Variants in RNF150 observed in about 807,000 individuals in gnomAD.
RNF150 encodes the protein ring finger protein 150.
RNF150 carries 24 observed loss-of-function variants against 39.3 expected under a neutral mutation model. The ratio of observed to expected loss-of-function variants is 0.61; its 90% CI spans 0.44 to 0.86. The LOEUF is 0.86. Ranked by LOEUF, RNF150 falls within the 40% of genes least tolerant of loss-of-function variation. The pLI is 0.00. For synonymous variants in RNF150, 255 were observed against 227.3 expected, an observed-to-expected ratio of 1.12 and a Z score of -1.10; for missense variants, 502 against 587.8, an observed-to-expected ratio of 0.85 and a Z score of 1.51.
intron 6 of RNF150, among the ~76,000 whole-genome samples, chr4:140,886,443 G>A (rs780505535): frequency 6.6e-5 from 10 of 152,064 alleles, no homozygotes; most frequent in Non-Finnish European, 1.0e-4. Context: ...TCACCCACAT[G>A]CTTTGCCCAT....
intron 1 of RNF150, among the ~76,000 whole-genome samples, chr4:141,113,438 G>A: frequency 6.6e-6 from 1 of 151,632 alleles, no homozygotes; most frequent in East Asian, 1.9e-4. Context: ...TTACATAACG[G>A]TAAAGGGATC....
At chr4:140,965,212 G>A (rs1323721432) in intron 2 of RNF150, among the ~76,000 whole-genome samples, 3 of 152,094 alleles carry the variant, frequency 2.0e-5, no homozygotes, top group African/African-American at 4.8e-5. Flanking sequence ...CTGTTAGGAC[G>A]TCTATCATGC....
At chr4:141,151,347 G>A (rs1040107484) in intron 1 of RNF150, among the ~76,000 whole-genome samples, 1 of 148,712 alleles carries the variant, frequency 6.7e-6, no homozygotes, top group African/African-American at 2.5e-5. Flanking sequence ...GTAATCCCAG[G>A]GACTCAAGAG....
chr4:141,185,949 A>AT (rs1229107677), intron 1 of RNF150, among the ~76,000 whole-genome samples: 1 of 151,990 alleles, frequency 6.6e-6, no homozygotes, highest in African/African-American at 2.4e-5. Context: ...TTTATTGAGG[A>AT]TTTTTGCATC....
At chr4:141,128,611 G>A (rs903641651) in intron 1 of RNF150, among the ~76,000 whole-genome samples, 7 of 152,110 alleles carry the variant, frequency 4.6e-5, no homozygotes, top group African/African-American at 4.8e-5. Context: ...CTTGGAAGAT[G>A]CATTTCTCTA....
chr4:141,079,654 G>A (rs919615514), intron 1 of RNF150, among the ~76,000 whole-genome samples: 2 of 152,236 alleles, frequency 1.3e-5, no homozygotes, highest in Admixed American at 6.5e-5. Flanking sequence ...ATGGAAGAAT[G>A]ATTTGGAGGG....
Position 141,132,713 on chromosome 4 carries a change from G to A in RNF150, c.96C>T (p.Thr32=). ...CFVHLLCLDF[T]VAEKEEWYTA... Reference sequence around the variant, plus strand: ...TGTACCATTCCTCCTTCTCGGCCACGGTAAAGTCCAGGCAGAGCAGATGCA... The same window carrying A: ...TGTACCATTCCTCCTTCTCGGCCACAGTAAAGTCCAGGCAGAGCAGATGCA... Residue 32 remains threonine, a synonymous_variant, in exon 1 of 7, where the codon ACC becomes ACT. Transcript: ENST00000515673. The surrounding 1 kb of genome is among the most constrained non-coding windows in gnomAD (Gnocchi z 4.9). The A allele has an allele frequency of 1.2e-6, 2 of 1,609,886 alleles. No individual in the cohort carries two copies. The highest frequency in any genetic ancestry group is 1.7e-6 in the Non-Finnish European group (2 of 1,178,428).
intron 5 of RNF150, among the ~76,000 whole-genome samples, chr4:140,917,121 G>A (rs1730867421): frequency 6.6e-6 from 1 of 152,230 alleles, no homozygotes; most frequent in South Asian, 2.1e-4. Flanking sequence ...AGGCTAGGAA[G>A]AAACTGCATC....
chr4:140,954,013 C>T (rs1332558850), intron 2 of RNF150, among the ~76,000 whole-genome samples: 2 of 152,090 alleles, frequency 1.3e-5, no homozygotes, highest in Non-Finnish European at 2.9e-5. Flanking sequence ...AAGTCTATTA[C>T]AAAACAGACT....
At chr4:140,989,321 A>T (rs933143406) in intron 1 of RNF150, among the ~76,000 whole-genome samples, 7 of 152,136 alleles carry the variant, frequency 4.6e-5, no homozygotes, top group Non-Finnish European at 7.4e-5. Flanking sequence ...CATTCAAAAA[A>T]AAAGTACCGA....
At chr4:141,078,853 A>ACT (rs1738032550) in intron 1 of RNF150, among the ~76,000 whole-genome samples, 1 of 147,122 alleles carries the variant, frequency 6.8e-6, no homozygotes, top group Non-Finnish European at 1.5e-5. Context: ...ACACACATAC[A>ACT]TACATACATA....
chr4:140,900,666 C>A (rs1015968035), intron 6 of RNF150, among the ~76,000 whole-genome samples: 2 of 152,052 alleles, frequency 1.3e-5, no homozygotes, highest in African/African-American at 4.8e-5. Context: ...GACAAAGATA[C>A]CTTGCAGATA....
At position 140,900,416 on chromosome 4, in the gene RNF150, C is replaced by T. The variant is rs776560500; in HGVS notation, c.1198+10728G>A. Among the ~76,000 whole-genome samples the T allele has an allele frequency of 2.8e-4, 42 of 151,900 alleles. 1 individual carries two copies. The highest frequency in any genetic ancestry group is 4.4e-4 in the Non-Finnish European group (30 of 68,006). On this transcript the variant is annotated intron_variant, in intron 6 of 6. Transcript: ENST00000515673. ...TTCTCTGGAAATAAGGTTGTAAGGA[C>T]ATTCATAATTTTATATGAGATCATG...
intron 1 of RNF150, among the ~76,000 whole-genome samples, chr4:140,975,180 T>C (rs997271127): frequency 6.6e-6 from 1 of 152,120 alleles, no homozygotes; most frequent in Non-Finnish European, 1.5e-5. Context: ...GACTTGAGCC[T>C]GGTAGGTCGA....
chr4:141,076,326 A>T (rs569275542), intron 1 of RNF150, among the ~76,000 whole-genome samples: 126 of 152,312 alleles, frequency 8.3e-4, no homozygotes, highest in African/African-American at 2.9e-3. Flanking sequence ...TTTTTAAAAA[A>T]TAATAAACAA....
chr4:141,172,271 A>ACTT (rs1308241697), intron 1 of RNF150, among the ~76,000 whole-genome samples: 1 of 152,126 alleles, frequency 6.6e-6, no homozygotes, highest in East Asian at 1.9e-4. Context: ...GGCAAACAGA[A>ACTT]CTTATGAGAT....
At chr4:141,070,333 T>C (rs1452561492) in intron 1 of RNF150, among the ~76,000 whole-genome samples, 1 of 151,788 alleles carries the variant, frequency 6.6e-6, no homozygotes, top group African/African-American at 2.4e-5. Context: ...AAGGACTTCA[T>C]GTCTAAAACA....
intron 5 of RNF150, among the ~76,000 whole-genome samples, chr4:140,920,580 CTGT>C: frequency 1.7e-5 from 2 of 120,974 alleles, no homozygotes; most frequent in Admixed American, 1.8e-4. Flanking sequence ...CACTTTTACA[CTGT>C]TGTTGGGACT....
At chr4:140,936,657 A>G (rs1168619657) in intron 4 of RNF150, among the ~76,000 whole-genome samples, 1 of 152,150 alleles carries the variant, frequency 6.6e-6, no homozygotes, top group East Asian at 1.9e-4. Flanking sequence ...AAAAAGCATT[A>G]TAAAAAATAA....
Sources: gnomAD v4.1 joint callset for allele counts (sites outside exome capture counted in the v4.1 genomes callset) on GRCh38, gnomAD v4.1.1 for gene constraint, Gnocchi (gnomAD v3.1) non-coding constraint, MANE v1.5 for transcripts, NCBI Gene and HGNC (gene_info 2026-07-23, HGNC 2026-07-21) for gene names.